Variants in SLC39A11 observed in about 807,000 individuals in gnomAD.
SLC39A11 encodes zinc transporter ZIP11.
Under a neutral mutation model 36.1 loss-of-function variants are expected in SLC39A11, and 33 were observed. That is an observed-to-expected ratio of 0.91 (90% CI 0.69 to 1.22). The LOEUF is 1.22. Among genes scored for constraint, SLC39A11 ranks in the 50% most tolerant of loss-of-function variants. The pLI, the probability that SLC39A11 is intolerant of heterozygous loss-of-function variation, is 0.00. For missense variants in SLC39A11, 432 were observed against 430.3 expected, an observed-to-expected ratio of 1.00 and a Z score of -0.03; for synonymous variants, 166 against 170.3, an observed-to-expected ratio of 0.97 and a Z score of 0.20.
At chr17:72,901,742 A>G (rs1455543563) in intron 5 of SLC39A11, among the ~76,000 whole-genome samples, 1 of 152,170 alleles carries the variant, frequency 6.6e-6, no homozygotes, top group East Asian at 1.9e-4. Flanking sequence ...GGTCCCCTCT[A>G]AGATTCTGAA....
At chr17:73,004,176 A>G (rs1458744889) in intron 4 of SLC39A11, among the ~76,000 whole-genome samples, 1 of 71,702 alleles carries the variant, frequency 1.4e-5, no homozygotes, top group Non-Finnish European at 2.8e-5. Flanking sequence ...AGAAAGAAAG[A>G]AAGAAAGAAA....
chr17:72,652,170 CA>C (rs1179358323), intron 7 of SLC39A11, among the ~76,000 whole-genome samples: 2 of 152,208 alleles, frequency 1.3e-5, no homozygotes, highest in African/African-American at 4.8e-5. Context: ...TTTATCTACA[CA>C]AATGAGTGGG....
chr17:72,818,753 C>T (rs2077666498), intron 6 of SLC39A11: 1 of 152,168 alleles, frequency 6.6e-6, no homozygotes, highest in Non-Finnish European at 1.5e-5. Flanking sequence ...CTCATGTCAA[C>T]TACAGATTGT....
chr17:72,975,677 C>A (rs1456242321), intron 4 of SLC39A11, among the ~76,000 whole-genome samples: 1 of 152,144 alleles, frequency 6.6e-6, no homozygotes, highest in Non-Finnish European at 1.5e-5. Context: ...GTTATAGCAG[C>A]CCAAATGGAC....
intron 4 of SLC39A11, among the ~76,000 whole-genome samples, chr17:73,027,832 G>A (rs1341973475): frequency 1.3e-5 from 2 of 152,202 alleles, no homozygotes; most frequent in East Asian, 3.8e-4. Context: ...GGGCACTGCT[G>A]CAGAATCCTT....
chr17:73,070,322 T>G (rs1455443274), intron 3 of SLC39A11, among the ~76,000 whole-genome samples: 1 of 152,098 alleles, frequency 6.6e-6, no homozygotes, highest in African/African-American at 2.4e-5. Context: ...AACACTAATG[T>G]CAAGTATGAG....
At chr17:72,955,643 G>A (rs1000671728) in intron 4 of SLC39A11, among the ~76,000 whole-genome samples, 5 of 151,988 alleles carry the variant, frequency 3.3e-5, no homozygotes, top group Non-Finnish European at 7.4e-5. Context: ...TCAAAGCCAT[G>A]AGGCTCAAAA....
At chr17:72,756,443 A>G (rs1264859693) in intron 6 of SLC39A11, among the ~76,000 whole-genome samples, 3 of 152,268 alleles carry the variant, frequency 2.0e-5, no homozygotes, top group African/African-American at 7.2e-5. Context: ...ATGGAATAGT[A>G]TACTGCCTTA....
At chr17:72,942,843 TA>T (rs959730734) in intron 5 of SLC39A11, among the ~76,000 whole-genome samples, 1 of 151,958 alleles carries the variant, frequency 6.6e-6, no homozygotes, top group Non-Finnish European at 1.5e-5. Context: ...ACATTATGTC[TA>T]AAAAAATGCA....
At chr17:72,993,355 C>G (rs1302093103) in intron 4 of SLC39A11, among the ~76,000 whole-genome samples, 1 of 152,152 alleles carries the variant, frequency 6.6e-6, no homozygotes, top group East Asian at 1.9e-4. Flanking sequence ...AAAACAGATG[C>G]CTGGGCTCTA....
rs112832331 is a variant in SLC39A11 at position 72,747,547 on chromosome 17, G to A, written c.602-10828C>T. ...ACAACACACTAGGGACGGGAGCAAC[G>A]TCACGTAACACTGCAGCAGGGATTT... On this transcript the variant is annotated intron_variant, in intron 6 of 9. Transcript: ENST00000255559. Among the ~76,000 whole-genome samples, 175 of 152,310 alleles carry A rather than the reference G, an allele frequency of 1.1e-3. 1 individual carries two copies. The highest frequency in any genetic ancestry group is 6.8e-3 in the Middle Eastern group (2 of 294).
chr17:73,026,159 G>GAGAA (rs2058531566), intron 4 of SLC39A11, among the ~76,000 whole-genome samples: 1 of 93,222 alleles, frequency 1.1e-5, no homozygotes, highest in African/African-American at 3.8e-5. Context: ...GAGAGCAGAG[G>GAGAA]AGAGAAGAGA....
intron 4 of SLC39A11, among the ~76,000 whole-genome samples, chr17:73,005,268 G>A (rs1278322522): frequency 3.3e-5 from 5 of 152,096 alleles, no homozygotes; most frequent in African/African-American, 7.2e-5. Flanking sequence ...GTGAGCCACC[G>A]TGCCCGGCCC....
intron 1 of SLC39A11, among the ~76,000 whole-genome samples, chr17:73,091,121 CA>C (rs1251926056): frequency 8.5e-5 from 13 of 152,236 alleles, no homozygotes; most frequent in Non-Finnish European, 1.5e-4. Flanking sequence ...CTGTGGAAAG[CA>C]AAAGATTAAA....
At chr17:72,744,030 C>G (rs2074827791) in intron 6 of SLC39A11, among the ~76,000 whole-genome samples, 1 of 152,230 alleles carries the variant, frequency 6.6e-6, no homozygotes, top group Non-Finnish European at 1.5e-5. Context: ...CTCTGCCTGC[C>G]TCTCTCCACC....
At chr17:72,922,370 T>C (rs1426765001) in intron 5 of SLC39A11, among the ~76,000 whole-genome samples, 2 of 152,228 alleles carry the variant, frequency 1.3e-5, no homozygotes, top group African/African-American at 4.8e-5. Flanking sequence ...CATATAGTGC[T>C]CTGTGTTGAA....
intron 7 of SLC39A11, among the ~76,000 whole-genome samples, chr17:72,709,834 T>C (rs2073044586): frequency 6.6e-6 from 1 of 152,258 alleles, no homozygotes; most frequent in Non-Finnish European, 1.5e-5. Flanking sequence ...TGATATTTTA[T>C]GTATCTGCAA....
chr17:72,995,753 G>T (rs979508307), intron 4 of SLC39A11, among the ~76,000 whole-genome samples: 1 of 152,072 alleles, frequency 6.6e-6, no homozygotes, highest in Non-Finnish European at 1.5e-5. Context: ...CCAGCCTTCC[G>T]ACTTGGATGA....
intron 7 of SLC39A11, among the ~76,000 whole-genome samples, chr17:72,732,267 G>A (rs1178500609): frequency 6.6e-6 from 1 of 151,694 alleles, no homozygotes; most frequent in Non-Finnish European, 1.5e-5. Flanking sequence ...CGCCCGCCTC[G>A]GCCTCTCAAA....
Sources: allele counts gnomAD v4.1 joint callset (sites outside exome capture counted in the v4.1 genomes callset), GRCh38; gene constraint gnomAD v4.1.1; transcripts MANE v1.5; gene names NCBI Gene and HGNC (gene_info 2026-07-23, HGNC 2026-07-21).